Variants in NAV3 observed in about 807,000 individuals in gnomAD.
The protein encoded by NAV3 is neuron navigator 3, also known as pore membrane and/or filament interacting like protein 1.
A neutral mutation model predicts 244.7 loss-of-function variants in NAV3; 87 were observed. The observed-to-expected ratio is 0.36, with a 90% CI of 0.30 to 0.42. The LOEUF is 0.42. Ranked by LOEUF, NAV3 falls within the 20% of genes least tolerant of loss-of-function variation. NAV3 has a pLI of 1.00. For synonymous variants in NAV3, 1,126 were observed against 1,042.2 expected, an observed-to-expected ratio of 1.08 and a Z score of -1.55; for missense variants, 2,663 against 2,893.3, an observed-to-expected ratio of 0.92 and a Z score of 1.83.
At chr12:77,855,522 C>T (rs1375549452) in intron 1 of NAV3, among the ~76,000 whole-genome samples, 1 of 152,178 alleles carries the variant, frequency 6.6e-6, no homozygotes, top group Non-Finnish European at 1.5e-5. Context: ...TTCTATAATA[C>T]TTTGCAGCTC....
At chr12:77,589,832 G>A (rs1416122426) in intron 2 of NAV3, among the ~76,000 whole-genome samples, 1 of 152,224 alleles carries the variant, frequency 6.6e-6, no homozygotes, top group African/African-American at 2.4e-5. Flanking sequence ...GAGTAGAGGT[G>A]AAGAGAACAG....
At chr12:77,830,221 A>T (rs1032723526), upstream of NAV3, among the ~76,000 whole-genome samples, 14 of 152,202 alleles carry the variant, frequency 9.2e-5, no homozygotes, top group Non-Finnish European at 1.6e-4. Flanking sequence ...GACAGTTTTT[A>T]GAAGCTTGGG....
chr12:77,976,375 G>A (rs918728812), intron 5 of NAV3, among the ~76,000 whole-genome samples: 2 of 152,098 alleles, frequency 1.3e-5, no homozygotes, highest in Admixed American at 1.3e-4. Flanking sequence ...AGTTGAAGAA[G>A]AGAACTGAGG....
chr12:78,197,985 T>C (rs1269266711), intron 35 of NAV3, among the ~76,000 whole-genome samples: 1 of 151,892 alleles, frequency 6.6e-6, no homozygotes, highest in African/African-American at 2.4e-5. Context: ...TTAATGAGTA[T>C]GATTTTTAAC....
chr12:77,766,735 G>GTTTGTTTTTTTTTTTTTTT lies in NAV3; in HGVS notation c.73-173581_73-173580insGTTTTTTTTTTTTTTTTTT, dbSNP rs1555202961. Among the ~76,000 whole-genome samples the GTTTGTTTTTTTTTTTTTTT allele has an allele frequency of 3.7e-3, 222 of 60,512 alleles. 70 individuals carry two copies. Among genetic ancestry groups the GTTTGTTTTTTTTTTTTTTT allele is most frequent in the South Asian group, 9.2e-3 (11 of 1,190 alleles). 39.7% of individuals were successfully genotyped at this position (60,512 alleles called of 152,430 possible). On this transcript the variant is annotated intron_variant, in intron 2 of 8. Transcript: ENST00000550042. ...AGGATTCTAAAAAACAGGCAATTAA[G>GTTTGTTTTTTTTTTTTTTT]TTTTTTTTTTTTTTTTTTTTTTTTT...
chr12:78,118,222 T>C lies in NAV3; in HGVS notation c.2965T>C (p.Trp989Arg). The change falls in exon 14 of 40, where the codon TGG becomes CGG. Residue 989 changes from tryptophan to arginine, a missense_variant. This residue lies in a region of NAV3 where 1,521 missense variants were observed against 1,497.0 expected (regional missense o/e 1.02). Coordinates refer to ENST00000397909, the MANE Select transcript of NAV3 (RefSeq NM_001024383.2). ...ASLSVSQTGSWRRGMSAQGGA... is the reference protein window; with the variant it reads ...ASLSVSQTGSRRRGMSAQGGA... ...CCTGTCTGTTTCACAGACAGGTTCC[T>C]GGAGAAGAGGCATGTCTGCCCAAGG... 1 of 1,613,182 alleles carries C rather than the reference T, an allele frequency of 6.2e-7. No homozygotes were observed. Among genetic ancestry groups the C allele is most frequent in the Non-Finnish European group, 8.5e-7 (1 of 1,179,802 alleles).
At position 78,122,173 on chromosome 12, in the gene NAV3, C is replaced by G. The variant is rs2138692152; in HGVS notation, c.3983C>G (p.Ser1328Trp). 3.7e-6 allele frequency: 6 copies of G among 1,614,108 alleles called. No individual in the cohort carries two copies. The highest frequency in any genetic ancestry group is 5.1e-6 in the Non-Finnish European group (6 of 1,180,024). ...LTTDVISLSHSLASSPASVHS... is the reference protein window; with the variant it reads ...LTTDVISLSHWLASSPASVHS... ...ACAGATGTTATAAGCTTAAGTCACT[C>G]GTTGGCCTCCAGCCCAGCATCGGTT... Residue 1328 changes from serine to tryptophan, a missense_variant, in exon 16 of 40, where the codon TCG becomes TGG. Coordinates refer to ENST00000397909, the MANE Select transcript of NAV3 (RefSeq NM_001024383.2).
At position 78,091,235 on chromosome 12, in the gene NAV3, C is replaced by T. The variant is rs1042911376; in HGVS notation, c.2637-25537C>T. ...ATGTTTTGGGATTGAAAAGCTCAGTCGAATATAACAATAGTAGTAACTTTA... is the reference window on the plus strand; with the variant it reads ...ATGTTTTGGGATTGAAAAGCTCAGTTGAATATAACAATAGTAGTAACTTTA... On this transcript the variant is annotated intron_variant, in intron 12 of 39. Transcript: ENST00000397909. 5.3e-5 allele frequency among the ~76,000 whole-genome samples: 8 copies of T among 152,134 alleles called. 1 individual carries two copies. The South Asian group carries it at 1.7e-3, about 32-fold the overall frequency.
chr12:78,076,266 G>A (rs564321762), intron 12 of NAV3, among the ~76,000 whole-genome samples: 1 of 152,102 alleles, frequency 6.6e-6, no homozygotes, highest in East Asian at 1.9e-4. Flanking sequence ...TACCAATTCT[G>A]GTTTCCTTCG....
intron 2 of NAV3, among the ~76,000 whole-genome samples, chr12:77,621,136 A>T (rs1592511591): frequency 6.6e-6 from 1 of 152,234 alleles, no homozygotes; most frequent in East Asian, 1.9e-4. Context: ...CATTAAAATG[A>T]TAAACAAACA....
chr12:77,873,695 A>G (rs2700554), intron 1 of NAV3, among the ~76,000 whole-genome samples: 1 of 99,982 alleles, frequency 1.0e-5, no homozygotes, highest in Non-Finnish European at 2.0e-5. Context: ...ATATATATAT[A>G]TATATATATA....
chr12:78,172,151 T>C (rs191181844), intron 24 of NAV3, among the ~76,000 whole-genome samples: 3 of 151,760 alleles, frequency 2.0e-5, no homozygotes, highest in African/African-American at 7.2e-5. Context: ...CCTTTATTTT[T>C]CAAAATGTAC....
chr12:78,163,760 C>T (rs1957664491), intron 23 of NAV3, among the ~76,000 whole-genome samples: 1 of 151,872 alleles, frequency 6.6e-6, no homozygotes, highest in South Asian at 2.1e-4. Flanking sequence ...TAGGCATTAC[C>T]CTATACCTAA....
chr12:77,795,163 G>A (rs1419593290), intron 2 of NAV3, among the ~76,000 whole-genome samples: 3 of 152,086 alleles, frequency 2.0e-5, no homozygotes, highest in East Asian at 3.9e-4. Flanking sequence ...TAATTAAGTA[G>A]CAATTAAAAA....
intron 32 of NAV3, 102 bp from the exon 33 acceptor site, chr12:78,188,507 T>G: frequency 7.9e-7 from 1 of 1,269,786 alleles, no homozygotes; most frequent in Non-Finnish European, 1.1e-6. Context: ...TACCCATTTC[T>G]AATATTCTTG....
chr12:78,061,808 T>A (rs779497923), intron 12 of NAV3, among the ~76,000 whole-genome samples: 1 of 151,888 alleles, frequency 6.6e-6, no homozygotes, highest in Non-Finnish European at 1.5e-5. Flanking sequence ...TTTTTGTTCA[T>A]GTTTACTAAA....
intron 2 of NAV3, among the ~76,000 whole-genome samples, chr12:77,743,314 T>C (rs1403984677): frequency 2.0e-5 from 3 of 151,918 alleles, no homozygotes; most frequent in Non-Finnish European, 2.9e-5. Flanking sequence ...TATTAGTTAA[T>C]TTTCTGAGAA....
chr12:77,835,496 T>C (rs1874472172), intron 1 of NAV3, among the ~76,000 whole-genome samples: 1 of 152,164 alleles, frequency 6.6e-6, no homozygotes, highest in Admixed American at 6.5e-5. Context: ...TCACCTGTTG[T>C]TTCAATTAGT....
At chr12:78,197,176 C>T in intron 34 of NAV3, 71 bp from the exon 35 acceptor site, 1 of 1,233,034 alleles carries the variant, frequency 8.1e-7, no homozygotes, top group Non-Finnish European at 1.1e-6. Flanking sequence ...AGTGCTATTC[C>T]TAAAATATTA....
Sources: gnomAD v4.1 joint callset for allele counts (sites outside exome capture counted in the v4.1 genomes callset) on GRCh38, gnomAD v4.1.1 for gene constraint, gnomAD v4.1.1 regional missense constraint, MANE v1.5 for transcripts, NCBI Gene and HGNC (gene_info 2026-07-23, HGNC 2026-07-21) for gene names.